Variants in USP10 observed in about 807,000 individuals in gnomAD.
USP10 encodes the protein ubiquitin specific peptidase 10.
Under a neutral mutation model 84.5 loss-of-function variants are expected in USP10, and 22 were observed. The observed-to-expected ratio is 0.26, with a 90% confidence interval of 0.19 to 0.37. USP10 has a LOEUF of 0.37. USP10 is among the 10% of genes least tolerant of loss of function. The pLI is 1.00. For missense variants in USP10, 1,019 were observed against 998.9 expected, an observed-to-expected ratio of 1.02 and a Z score of -0.27; for synonymous variants, 454 against 387.6, an observed-to-expected ratio of 1.17 and a Z score of -2.01.
chr16:84,733,616 G>A, intron 2 of USP10, 113 bp downstream of exon 2: 1 of 722,526 alleles, frequency 1.4e-6, no homozygotes, highest in Non-Finnish European at 2.2e-6. Context: ...AAAGTATGGA[G>A]ACTAATATGA....
intron 4 of USP10, among the ~76,000 whole-genome samples, chr16:84,757,391 AGAGGGGTGG>A (rs1912670958): frequency 1.1e-5 from 1 of 88,296 alleles, no homozygotes; most frequent in African/African-American, 4.2e-5. Flanking sequence ...GGAGGGAATG[AGAGGGGTGG>A]GGGTGTGTGT....
At position 84,731,269 on chromosome 16, in the gene USP10, G is replaced by A. The variant is rs1483174092; in HGVS notation, c.22-2166G>A. 3.3e-5 allele frequency among the ~76,000 whole-genome samples: 5 copies of A among 150,516 alleles called. No homozygotes were observed. In the East Asian group the frequency reaches 9.7e-4, roughly 29 times the overall value. ...GCTGGGATTACAGGTGTGAGCCACC[G>A]CTCCCGGCCTCTACTTTTTTTTTTT... On this transcript the variant is annotated intron_variant, in intron 1 of 13. Transcript: ENST00000219473.
intron 13 of USP10, 107 bp from the exon 14 acceptor site, chr16:84,778,787 GA>G (rs1915280703): frequency 1.9e-6 from 2 of 1,070,642 alleles, no homozygotes; most frequent in African/African-American, 3.2e-5. Context: ...CTGCTTTGGA[GA>G]GGGGTTTTAC....
intron 10 of USP10, among the ~76,000 whole-genome samples, chr16:84,767,120 A>G (rs1913951344): frequency 6.6e-6 from 1 of 152,120 alleles, no homozygotes; most frequent in Non-Finnish European, 1.5e-5. Context: ...GAGATGCGTA[A>G]TTAAACCCTG....
intron 2 of USP10, among the ~76,000 whole-genome samples, chr16:84,734,410 T>TG (rs1909632465): frequency 6.6e-6 from 1 of 152,254 alleles, no homozygotes; most frequent in Admixed American, 6.5e-5. Flanking sequence ...TCACGTCTGC[T>TG]GGCAATACGG....
chr16:84,704,689 C>G, intron 1 of USP10: 1 of 1,475,548 alleles, frequency 6.8e-7, no homozygotes, highest in African/African-American at 1.4e-5. Flanking sequence ...GATGTAGAAT[C>G]TTCAGATCCT....
chr16:84,754,230 C>T (rs1392026401), intron 4 of USP10, among the ~76,000 whole-genome samples: 6 of 151,986 alleles, frequency 3.9e-5, no homozygotes, highest in African/African-American at 1.5e-4. Flanking sequence ...GATTTAGGAT[C>T]ATTATAAGAG....
intron 13 of USP10, among the ~76,000 whole-genome samples, chr16:84,776,094 T>G (rs1342075168): frequency 6.6e-6 from 1 of 152,230 alleles, no homozygotes; most frequent in Non-Finnish European, 1.5e-5. Context: ...CAAGATATTC[T>G]TTCATTTCCT....
chr16:84,760,541 G>GTAGCTAATGTACA (rs1434578257), intron 8 of USP10, among the ~76,000 whole-genome samples: 1 of 152,180 alleles, frequency 6.6e-6, no homozygotes, highest in East Asian at 1.9e-4. Flanking sequence ...CTGAGGTCAG[G>GTAGCTAATGTACA]TAGCTAATGT....
intron 1 of USP10, among the ~76,000 whole-genome samples, chr16:84,707,143 T>C (rs972708056): frequency 6.6e-6 from 1 of 152,188 alleles, no homozygotes; most frequent in African/African-American, 2.4e-5. Context: ...TGTTTTGACT[T>C]CTAAATCCTT....
intron 1 of USP10, among the ~76,000 whole-genome samples, chr16:84,702,504 G>C (rs959626938): frequency 6.6e-6 from 1 of 152,186 alleles, no homozygotes; most frequent in Non-Finnish European, 1.5e-5. Flanking sequence ...ACTGTCCTAA[G>C]AGTCTTGCAG....
At chr16:84,711,746 G>C (rs1379807369) in intron 1 of USP10, among the ~76,000 whole-genome samples, 3 of 120,066 alleles carry the variant, frequency 2.5e-5, no homozygotes, top group African/African-American at 1.0e-4. Context: ...TTTTTTGTCT[G>C]AGATGGAGTC....
chr16:84,738,779 A>T (rs910392366), intron 2 of USP10, among the ~76,000 whole-genome samples: 6 of 152,200 alleles, frequency 3.9e-5, no homozygotes, highest in African/African-American at 1.4e-4. Context: ...TTACTAGCAG[A>T]GAGAAGCTTT....
chr16:84,706,229 A>G (rs1027641535), intron 1 of USP10, among the ~76,000 whole-genome samples: 6 of 151,938 alleles, frequency 3.9e-5, no homozygotes, highest in Non-Finnish European at 8.8e-5. Context: ...TTGATAGGAC[A>G]TGTTGAAGTT....
chr16:84,726,987 G>A (rs1169591083), intron 1 of USP10, among the ~76,000 whole-genome samples: 1 of 152,210 alleles, frequency 6.6e-6, no homozygotes, highest in Non-Finnish European at 1.5e-5. Context: ...TTTCCTGATG[G>A]TATTTGGTGT....
intron 1 of USP10, among the ~76,000 whole-genome samples, chr16:84,728,408 C>T (rs556164035): frequency 4.6e-5 from 7 of 151,534 alleles, no homozygotes; most frequent in Admixed American, 2.0e-4. Context: ...GGTGCGATCT[C>T]GGCTCACTGC....
intron 1 of USP10, among the ~76,000 whole-genome samples, chr16:84,713,349 G>T (rs2150765747): frequency 6.6e-6 from 1 of 151,958 alleles, no homozygotes; most frequent in South Asian, 2.1e-4. Context: ...TCTGTGCCTG[G>T]GCCATCTTCT....
At chr16:84,714,609 A>G (rs1455722519) in intron 1 of USP10, among the ~76,000 whole-genome samples, 1 of 152,008 alleles carries the variant, frequency 6.6e-6, no homozygotes, top group South Asian at 2.1e-4. Flanking sequence ...CAGCGTATTC[A>G]CAAGTTATAG....
In USP10 at chr16:84,732,490, C is replaced by T. The variant is rs753082570; in HGVS notation, c.22-945C>T. 2.5e-4 allele frequency: 97 copies of T among 386,362 alleles called. 2 individuals carry two copies. Among genetic ancestry groups the T allele is most frequent in the African/African-American group, 1.6e-4 (7 of 44,136 alleles). The allele number at this position is 386,362 out of a possible 1,614,324, so 23.9% of individuals were successfully genotyped here. ...GAGATGGAGTCTGGCTCTGTCGCCC[C>T]GGCTGGGGTGCGGTGGCGCGATCTC... On this transcript the variant is annotated intron_variant, in intron 1 of 13. Coordinates refer to ENST00000219473, the MANE Select transcript of USP10 (RefSeq NM_005153.3).
Sources: gnomAD v4.1 joint callset for allele counts (sites outside exome capture counted in the v4.1 genomes callset) on GRCh38, gnomAD v4.1.1 for gene constraint, MANE v1.5 for transcripts, NCBI Gene and HGNC (gene_info 2026-07-23, HGNC 2026-07-21) for gene names.